Variants in NSUN3 observed in about 807,000 individuals in gnomAD.
The protein encoded by NSUN3 is NOP2/Sun RNA methyltransferase 3, also known as tRNA (cytosine(34)-C(5))-methyltransferase, mitochondrial.
NSUN3 carries 24 observed loss-of-function variants against 36.8 expected under a neutral mutation model. That is an observed-to-expected ratio of 0.65 (90% CI 0.47 to 0.92). The LOEUF (loss-of-function observed/expected upper bound fraction) is 0.92. Among genes scored for constraint, NSUN3 ranks in the 40% least tolerant of loss-of-function variants. The pLI, the probability that NSUN3 is intolerant of heterozygous loss-of-function variation, is 0.00. For missense variants in NSUN3, 381 were observed against 392.8 expected (o/e 0.97, Z 0.25); for synonymous variants, 146 against 145.2 (o/e 1.01, Z -0.04).
intron 5 of NSUN3, among the ~76,000 whole-genome samples, chr3:94,101,868 A>G (rs2107260952): frequency 6.6e-6 from 1 of 152,302 alleles, no homozygotes; most frequent in Non-Finnish European, 1.5e-5. Flanking sequence ...GTCTTTAGAA[A>G]GTGACTATGA....
rs561835324 is a variant in NSUN3 at position 94,098,359 on chromosome 3, A to G, written c.743+3205A>G. On this transcript the variant is annotated intron_variant, in intron 5 of 5. Coordinates refer to ENST00000314622, the MANE Select transcript of NSUN3 (RefSeq NM_022072.5). ...TCCTACATATCTCCAGTTGTGAGCC[A>G]TACTGCTTGATTCTCCACAGTGAAG... is the stretch of plus-strand genomic sequence containing the variant. Among the ~76,000 whole-genome samples the G allele has an allele frequency of 7.6e-4, 115 of 152,316 alleles. 1 individual carries two copies. The highest frequency in any genetic ancestry group is 2.7e-3 in the African/African-American group (113 of 41,578).
chr3:94,064,569 CT>C, intron 2 of NSUN3, 23 bp downstream of exon 2: 1 of 1,373,876 alleles, frequency 7.3e-7, no homozygotes, highest in Non-Finnish European at 1.0e-6. Context: ...CATCTCGATG[CT>C]TTATGATGGA....
At chr3:94,090,250 T>G (rs2077308922) in intron 3 of NSUN3, among the ~76,000 whole-genome samples, 1 of 152,198 alleles carries the variant, frequency 6.6e-6, no homozygotes, top group South Asian at 2.1e-4. Flanking sequence ...AGCACAAAAT[T>G]GTCTCAATGT....
intron 3 of NSUN3, among the ~76,000 whole-genome samples, chr3:94,089,521 C>T (rs2077306075): frequency 6.6e-6 from 1 of 152,156 alleles, no homozygotes; most frequent in African/African-American, 2.4e-5. Flanking sequence ...AGAGTGTGAC[C>T]TTCTGGGGGC....
intron 2 of NSUN3, among the ~76,000 whole-genome samples, chr3:94,069,405 G>T (rs138280237): frequency 2.6e-5 from 4 of 152,168 alleles, no homozygotes; most frequent in African/African-American, 9.7e-5. Flanking sequence ...TTTTAAAAGA[G>T]TTGAATGAGC....
chr3:94,115,969 T>G (rs1439979881), intron 5 of NSUN3, among the ~76,000 whole-genome samples: 1 of 152,186 alleles, frequency 6.6e-6, no homozygotes, highest in East Asian at 1.9e-4. Context: ...ACACCTTCCT[T>G]TGGAACTTTT....
At chr3:94,076,758 T>C (rs1243436746) in intron 2 of NSUN3, 1 of 1,487,340 alleles carries the variant, frequency 6.7e-7, no homozygotes, top group African/African-American at 1.4e-5. Flanking sequence ...GTTGTGATAA[T>C]ACAAGGATTC....
chr3:94,122,735 A>G (rs2077469108), intron 5 of NSUN3, among the ~76,000 whole-genome samples: 1 of 152,188 alleles, frequency 6.6e-6, no homozygotes, highest in East Asian at 1.9e-4. Context: ...TTATAAAATA[A>G]GAACACTTAC....
intron 2 of NSUN3, chr3:94,076,827 C>T: frequency 6.3e-7 from 1 of 1,584,760 alleles, no homozygotes; most frequent in Non-Finnish European, 8.7e-7. Flanking sequence ...ATTTCTATTT[C>T]AATTTTTCCA....
chr3:94,099,850 A>G lies in NSUN3; in HGVS notation c.743+4696A>G, dbSNP rs549244872. On this transcript the variant is annotated intron_variant, in intron 5 of 5. Transcript: ENST00000314622. ...CACTTTTATCATCAGGAATAGCTCTATTTTATCACTATCTCACTACCTAGA... is the reference window on the plus strand; with the variant it reads ...CACTTTTATCATCAGGAATAGCTCTGTTTTATCACTATCTCACTACCTAGA... Among the ~76,000 whole-genome samples, 117 of 151,666 alleles carry G rather than the reference A, an allele frequency of 7.7e-4. 1 individual carries two copies. The highest frequency in any genetic ancestry group is 2.7e-3 in the African/African-American group (111 of 41,444).
chr3:94,110,238 G>C (rs748611036), intron 5 of NSUN3, among the ~76,000 whole-genome samples: 2 of 133,972 alleles, frequency 1.5e-5, no homozygotes, highest in African/African-American at 2.5e-5. Flanking sequence ...AAAGTTATCA[G>C]TGATAACTTT....
intron 1 of NSUN3, among the ~76,000 whole-genome samples, chr3:94,063,559 A>C (rs974132622): frequency 1.3e-5 from 2 of 152,170 alleles, no homozygotes; most frequent in African/African-American, 4.8e-5. Context: ...CGTTGCAAAG[A>C]TAGTACAGAG....
intron 5 of NSUN3, among the ~76,000 whole-genome samples, chr3:94,108,105 T>C (rs1315789700): frequency 1.3e-5 from 2 of 151,792 alleles, no homozygotes; most frequent in East Asian, 3.9e-4. Flanking sequence ...TATTTTGATA[T>C]AATTTTAAAC....
intron 5 of NSUN3, among the ~76,000 whole-genome samples, chr3:94,102,788 T>A (rs1428340679): frequency 5.3e-5 from 8 of 152,170 alleles, no homozygotes; most frequent in African/African-American, 1.9e-4. Flanking sequence ...AAAAAATGTG[T>A]CAAATATATA....
chr3:94,131,750 A>G lies in NSUN3; in HGVS notation c.*5260A>G, dbSNP rs970673711. 6.6e-6 allele frequency among the ~76,000 whole-genome samples: 1 copy of G among 152,234 alleles called. No homozygotes were observed. The highest frequency in any genetic ancestry group is 6.5e-5 in the Admixed American group (1 of 15,282). ...TTTATAAAAATTTAGGTTGCTTACCAACACATTAACTTCTCCCTGCCGTCC... is the reference window on the plus strand; with the variant it reads ...TTTATAAAAATTTAGGTTGCTTACCGACACATTAACTTCTCCCTGCCGTCC... On this transcript the variant is annotated 3_prime_UTR_variant, in exon 6 of 6. Transcript: ENST00000314622.
At chr3:94,072,001 A>G (rs1336135210) in intron 2 of NSUN3, among the ~76,000 whole-genome samples, 2 of 152,078 alleles carry the variant, frequency 1.3e-5, no homozygotes, top group African/African-American at 4.8e-5. Context: ...TGCAAGGGGA[A>G]CTGTAAGAAT....
intron 5 of NSUN3, among the ~76,000 whole-genome samples, chr3:94,108,723 A>G (rs1197204326): frequency 1.3e-5 from 2 of 151,804 alleles, no homozygotes; most frequent in Admixed American, 6.6e-5. Flanking sequence ...CAATGGCACA[A>G]TCTCAGCTTG....
At chr3:94,081,048 G>A (rs1205858170) in intron 2 of NSUN3, among the ~76,000 whole-genome samples, 2 of 152,202 alleles carry the variant, frequency 1.3e-5, no homozygotes, top group Non-Finnish European at 2.9e-5. Flanking sequence ...GGTAGGCACC[G>A]AAGGGAATCT....
chr3:94,090,744 A>T (rs755640502), intron 3 of NSUN3, among the ~76,000 whole-genome samples: 16 of 152,242 alleles, frequency 1.1e-4, no homozygotes, highest in Non-Finnish European at 1.9e-4. Context: ...AGACAGTGGG[A>T]ACCTTGAAGG....
Sources: gnomAD v4.1 joint callset for allele counts (sites outside exome capture counted in the v4.1 genomes callset) on GRCh38, gnomAD v4.1.1 for gene constraint, MANE v1.5 for transcripts, NCBI Gene and HGNC (gene_info 2026-07-23, HGNC 2026-07-21) for gene names.